PKNOX2: variants seen among roughly 807,000 people sequenced by gnomAD.
PKNOX2 encodes the protein PBX/knotted 1 homeobox 2, also known as homeobox protein PKNOX2.
PKNOX2 carries 14 observed loss-of-function variants against 53.1 expected under a neutral mutation model. That is an observed-to-expected ratio of 0.26 (90% CI 0.17 to 0.41). The LOEUF (loss-of-function observed/expected upper bound fraction) is 0.41. PKNOX2 is among the 10% of genes least tolerant of loss of function. The pLI is 1.00. For synonymous variants in PKNOX2, 257 were observed against 242.8 expected (o/e 1.06, Z -0.54); for missense variants, 496 against 602.8 (o/e 0.82, Z 1.85).
At chr11:125,358,485 G>A (rs1441710345) in intron 4 of PKNOX2, among the ~76,000 whole-genome samples, 1 of 152,150 alleles carries the variant, frequency 6.6e-6, no homozygotes, top group Non-Finnish European at 1.5e-5. Context: ...ATGCAGTTAG[G>A]GGCAGTGAAT....
chr11:125,263,271 C>G (rs1010245278), intron 2 of PKNOX2, among the ~76,000 whole-genome samples: 1 of 152,240 alleles, frequency 6.6e-6, no homozygotes, highest in Non-Finnish European at 1.5e-5. Flanking sequence ...CTCCCCCACC[C>G]CACCCCCATC....
chr11:125,234,913 C>G (rs112277490), intron 1 of PKNOX2, 132 bp from the exon 2 acceptor site: 1 of 152,652 alleles, frequency 6.6e-6, no homozygotes. Flanking sequence ...CTCAGCACTG[C>G]GGGCACATGG....
At chr11:125,181,629 T>C (rs1243010332) in intron 1 of PKNOX2, among the ~76,000 whole-genome samples, 1 of 152,226 alleles carries the variant, frequency 6.6e-6, no homozygotes, top group Non-Finnish European at 1.5e-5. Flanking sequence ...TGGCCTGGCC[T>C]CTGTCTCCCA....
intron 2 of PKNOX2, among the ~76,000 whole-genome samples, chr11:125,280,198 A>G (rs559068329): frequency 3.6e-4 from 54 of 150,976 alleles, no homozygotes; most frequent in Non-Finnish European, 6.0e-4. Context: ...GTCGGGGCTG[A>G]GAAATGTGGT....
chr11:125,355,101 T>C (rs1951530108), intron 4 of PKNOX2, among the ~76,000 whole-genome samples: 1 of 152,006 alleles, frequency 6.6e-6, no homozygotes, highest in Non-Finnish European at 1.5e-5. Flanking sequence ...ACTCTGTCTC[T>C]ACTAAAAGTA....
intron 10 of PKNOX2, among the ~76,000 whole-genome samples, chr11:125,419,602 A>T (rs953508780): frequency 6.6e-6 from 1 of 151,878 alleles, no homozygotes; most frequent in Non-Finnish European, 1.5e-5. Context: ...ATGAAATTCC[A>T]CTATTAGAGA....
At chr11:125,316,871 A>G (rs1403266724) in intron 2 of PKNOX2, among the ~76,000 whole-genome samples, 1 of 152,120 alleles carries the variant, frequency 6.6e-6, no homozygotes, top group Non-Finnish European at 1.5e-5. Context: ...GTATTGACAG[A>G]CTCACCGTCT....
intron 2 of PKNOX2, among the ~76,000 whole-genome samples, chr11:125,316,813 G>T (rs1266743837): frequency 2.6e-5 from 4 of 152,150 alleles, no homozygotes; most frequent in Non-Finnish European, 5.9e-5. Context: ...GCTGAAGGAT[G>T]GGGTGGCTGT....
At chr11:125,311,950 G>A (rs921356397) in intron 2 of PKNOX2, among the ~76,000 whole-genome samples, 1 of 152,050 alleles carries the variant, frequency 6.6e-6, no homozygotes, top group Admixed American at 6.5e-5. Context: ...AGGTTACAGT[G>A]AGCGAGATCA....
At chr11:125,322,731 T>C (rs1368426256) in intron 2 of PKNOX2, among the ~76,000 whole-genome samples, 1 of 152,150 alleles carries the variant, frequency 6.6e-6, no homozygotes, top group African/African-American at 2.4e-5. Flanking sequence ...TCCCCCAGAG[T>C]GTGCAGGTCA....
At chr11:125,184,918 G>A (rs1202144036) in intron 1 of PKNOX2, among the ~76,000 whole-genome samples, 1 of 152,158 alleles carries the variant, frequency 6.6e-6, no homozygotes, top group Non-Finnish European at 1.5e-5. Context: ...ATCATGATGG[G>A]TAGGCAACGT....
rs879743777 is a variant in PKNOX2, at chr11:125,422,483, G to A, written c.937-6529G>A. Among the ~76,000 whole-genome samples, 5 of 152,096 alleles carry A rather than the reference G, an allele frequency of 3.3e-5. No homozygotes were observed. The highest frequency in any genetic ancestry group is 2.1e-4 in the South Asian group (1 of 4,828). On this transcript the variant is annotated intron_variant, in intron 10 of 12. Transcript: ENST00000298282. The surrounding 1 kb of genome is among the most constrained non-coding windows in gnomAD (Gnocchi z 4.1). ...TCCCCAGGAGTGATGTTTGACTGTC[G>A]GAGGCATCCCCTGGTGTAGCGCTGT... is the stretch of plus-strand genomic sequence containing the variant.
chr11:125,302,702 A>G (rs902750834), intron 2 of PKNOX2, among the ~76,000 whole-genome samples: 3 of 152,222 alleles, frequency 2.0e-5, no homozygotes, highest in South Asian at 4.1e-4. Flanking sequence ...ACGGGAAAGC[A>G]GAGAGCAGGC....
At chr11:125,178,688 GAGAGAGAGAGAAAGAAAGAAAGAAA>G (rs1955941756) in intron 1 of PKNOX2, among the ~76,000 whole-genome samples, 1 of 114,190 alleles carries the variant, frequency 8.8e-6, no homozygotes, top group African/African-American at 4.8e-5. Context: ...GAGAGAGAGA[GAGAGAGAGAGAAAGAAAGAAAGAAA>G]GAAAGAGAAA....
chr11:125,377,378 C>T (rs1208375565), intron 5 of PKNOX2, among the ~76,000 whole-genome samples: 1 of 152,154 alleles, frequency 6.6e-6, no homozygotes, highest in Non-Finnish European at 1.5e-5. Context: ...GCTGGAGAGA[C>T]CCATGAGGGG....
intron 1 of PKNOX2, among the ~76,000 whole-genome samples, chr11:125,183,635 T>C (rs911005337): frequency 6.6e-6 from 1 of 152,156 alleles, no homozygotes; most frequent in African/African-American, 2.4e-5. Flanking sequence ...ACTGACTCTT[T>C]TTTTATTAAC....
intron 2 of PKNOX2, among the ~76,000 whole-genome samples, chr11:125,263,900 T>C (rs920406667): frequency 2.0e-5 from 3 of 152,166 alleles, no homozygotes; most frequent in Admixed American, 2.0e-4. Flanking sequence ...AGTCCTGGAA[T>C]GGCGTATAAG....
intron 2 of PKNOX2, among the ~76,000 whole-genome samples, chr11:125,271,613 T>C (rs187538388): frequency 6.6e-6 from 1 of 152,370 alleles, no homozygotes; most frequent in African/African-American, 2.4e-5. Context: ...AGTTCCTGTG[T>C]TCCAGAAGAC....
At chr11:125,172,446 A>C (rs1955397038) in intron 1 of PKNOX2, among the ~76,000 whole-genome samples, 1 of 152,182 alleles carries the variant, frequency 6.6e-6, no homozygotes, top group Non-Finnish European at 1.5e-5. Context: ...GCCCACATCC[A>C]GCCCTCTTCC....
Sources: allele counts gnomAD v4.1 joint callset (sites outside exome capture counted in the v4.1 genomes callset), GRCh38; gene constraint gnomAD v4.1.1; non-coding constraint Gnocchi (gnomAD v3.1); transcripts MANE v1.5; gene names NCBI Gene and HGNC (gene_info 2026-07-23, HGNC 2026-07-21).